The following CLXN variants were observed in gnomAD, a reference collection of about 807,000 sequenced individuals.
CLXN encodes the protein EF-hand calcium binding domain 1.
chr8:48,728,969 C>T, the CLXN span: 2 of 1,013,578 alleles, frequency 2.0e-6, no homozygotes, highest in South Asian at 1.7e-5. Context: ...GATCCACTAC[C>T]CATTAAATCA....
At chr8:48,726,535 A>G in the CLXN span, among the ~76,000 whole-genome samples, 5 of 139,870 alleles carry the variant, frequency 3.6e-5, no homozygotes, top group Admixed American at 3.5e-4. Context: ...CCATCCACCC[A>G]TCTATCCATC....
the CLXN span, among the ~76,000 whole-genome samples, chr8:48,721,745 C>T: frequency 5.3e-5 from 8 of 152,210 alleles, no homozygotes; most frequent in South Asian, 1.2e-3. Flanking sequence ...ATTGGATTTG[C>T]ACATCAAAAG....
At chr8:48,735,064 C>T in the CLXN span, 1 of 1,613,548 alleles carries the variant, frequency 6.2e-7, no homozygotes, top group African/African-American at 1.3e-5. Context: ...CCAGGAGCCT[C>T]GGCCTGTCCA....
chr8:48,731,948 T>G, the CLXN span, among the ~76,000 whole-genome samples: 2 of 152,182 alleles, frequency 1.3e-5, no homozygotes, highest in Non-Finnish European at 2.9e-5. Context: ...CAGTTTAGCC[T>G]TCATTAATTC....
At chr8:48,724,616 A>C in the CLXN span, 14 of 669,230 alleles carry the variant, frequency 2.1e-5, no homozygotes, top group Non-Finnish European at 3.5e-5. Flanking sequence ...GATATATGTA[A>C]GTGAACCTCA....
the CLXN span, among the ~76,000 whole-genome samples, chr8:48,733,603 A>G: frequency 6.6e-6 from 1 of 152,224 alleles, no homozygotes; most frequent in Non-Finnish European, 1.5e-5. Flanking sequence ...ATTTAAAATT[A>G]TTATAATGTC....
chr8:48,717,596 A>T, the CLXN span, among the ~76,000 whole-genome samples: 4 of 152,314 alleles, frequency 2.6e-5, no homozygotes, highest in East Asian at 7.7e-4. Flanking sequence ...TGAAAGCATA[A>T]ATCTCATTGG....
the CLXN span, among the ~76,000 whole-genome samples, chr8:48,716,709 G>A: frequency 6.6e-6 from 1 of 152,010 alleles, no homozygotes; most frequent in Non-Finnish European, 1.5e-5. Flanking sequence ...CAATGAAGCA[G>A]AAGGAGGAAT....
chr8:48,732,350 C>CTG, the CLXN span, among the ~76,000 whole-genome samples: 1 of 152,038 alleles, frequency 6.6e-6, no homozygotes, highest in South Asian at 2.1e-4. Flanking sequence ...AGGACAAAAC[C>CTG]TGTGTGTGTA....
At chr8:48,712,759 G>C in the CLXN span, among the ~76,000 whole-genome samples, 1 of 152,114 alleles carries the variant, frequency 6.6e-6, no homozygotes, top group Non-Finnish European at 1.5e-5. Context: ...CCAGCACATT[G>C]GGAGGCTGAG....
the CLXN span, chr8:48,730,511 C>T: frequency 2.1e-5 from 30 of 1,451,568 alleles, no homozygotes; most frequent in African/African-American, 2.8e-5. Flanking sequence ...TCATAATGTA[C>T]GAACCAATAG....
At chr8:48,712,552 C>T in the CLXN span, 1 of 152,242 alleles carries the variant, frequency 6.6e-6, no homozygotes, top group Non-Finnish European at 1.5e-5. Flanking sequence ...GGCTTGAGGT[C>T]CACAGAAAGC....
chr8:48,718,250 GTCAAT>G, the CLXN span, among the ~76,000 whole-genome samples: 1 of 152,068 alleles, frequency 6.6e-6, no homozygotes, highest in Admixed American at 6.5e-5. Context: ...CTGAGAAATG[GTCAAT>G]TCAACAGGCA....
chr8:48,720,421 A>G, the CLXN span, among the ~76,000 whole-genome samples: 2 of 152,224 alleles, frequency 1.3e-5, no homozygotes, highest in East Asian at 3.9e-4. Context: ...AGGTCTATAA[A>G]TGGCCGCTCT....
the CLXN span, chr8:48,712,398 ATC>A: frequency 6.6e-6 from 1 of 152,366 alleles, no homozygotes; most frequent in Non-Finnish European, 1.5e-5. Flanking sequence ...CACGCTGACA[ATC>A]TCTCACCCCA....
the CLXN span, among the ~76,000 whole-genome samples, chr8:48,722,351 G>C: frequency 6.6e-6 from 1 of 152,154 alleles, no homozygotes; most frequent in Admixed American, 6.5e-5. Flanking sequence ...GGTACAGCTA[G>C]TATAGAAAGC....
the CLXN span, chr8:48,735,021 G>T: frequency 6.4e-6 from 10 of 1,551,718 alleles, no homozygotes; most frequent in Non-Finnish European, 7.9e-6. Context: ...GCACAACAGC[G>T]GACCTTAGCA....
the CLXN span, among the ~76,000 whole-genome samples, chr8:48,718,415 C>G: frequency 6.6e-6 from 1 of 151,922 alleles, no homozygotes; most frequent in Admixed American, 6.6e-5. Flanking sequence ...GATAAAATAT[C>G]CAGACAGAAA....
the CLXN span, chr8:48,714,795 A>G: frequency 6.6e-6 from 1 of 152,264 alleles, no homozygotes; most frequent in South Asian, 2.1e-4. Context: ...CTGTAACCCA[A>G]CAATTCTACT....
Sources: gnomAD v4.1 joint callset for allele counts (sites outside exome capture counted in the v4.1 genomes callset) on GRCh38, gnomAD v4.1.1 for gene constraint, MANE v1.5 for transcripts, NCBI Gene and HGNC (gene_info 2026-07-23, HGNC 2026-07-21) for gene names.